LRMDA: variants seen among roughly 807,000 people sequenced by gnomAD.
The protein encoded by LRMDA is leucine rich melanocyte differentiation associated, also known as leucine-rich melanocyte differentiation-associated protein.
In LRMDA, 18 loss-of-function variants were observed where a neutral mutation model predicts 29.8. The observed-to-expected ratio is 0.60, with a 90% CI of 0.42 to 0.90. The LOEUF (loss-of-function observed/expected upper bound fraction) is 0.90, where lower values mean the gene tolerates loss of function less well. Among genes scored for constraint, LRMDA ranks in the 40% least tolerant of loss-of-function variants. LRMDA has a pLI of 0.00. For missense variants in LRMDA, 273 were observed against 273.9 expected (o/e 1.00, Z 0.02); for synonymous variants, 125 against 109.4 (o/e 1.14, Z -0.89).
chr10:76,309,608 A>C (rs1840604899), intron 5 of LRMDA, among the ~76,000 whole-genome samples: 1 of 152,194 alleles, frequency 6.6e-6, no homozygotes, highest in Non-Finnish European at 1.5e-5. Flanking sequence ...TCTTATTACT[A>C]GGAATTTCCA....
At position 76,325,344 on chromosome 10, in the gene LRMDA, G is replaced by A. The variant is rs532633871; in HGVS notation, c.601+859G>A. Reference sequence around the variant, plus strand: ...AAGAAGAGAGTAGTGCAGGATTTCCGATGTCTGTGGCTTGGACCTGTGTTG... The same window carrying A: ...AAGAAGAGAGTAGTGCAGGATTTCCAATGTCTGTGGCTTGGACCTGTGTTG... On this transcript the variant is annotated intron_variant, in intron 6 of 6. Transcript: ENST00000611255. Among the ~76,000 whole-genome samples the A allele has an allele frequency of 3.4e-4, 52 of 152,320 alleles. 1 individual carries two copies. The highest frequency in any genetic ancestry group is 3.1e-3 in the South Asian group (15 of 4,826).
rs183787221 is a variant in LRMDA at position 75,514,432 on chromosome 10, G to C, written c.131+75938G>C. Among the ~76,000 whole-genome samples the C allele has an allele frequency of 8.8e-4, 134 of 152,000 alleles. 1 individual carries two copies. The highest frequency in any genetic ancestry group is 3.1e-3 in the African/African-American group (127 of 41,462). On this transcript the variant is annotated intron_variant, in intron 2 of 6. Transcript: ENST00000611255. ...CTTATTTGAAGAGGCTGGAGCAGTG[G>C]TCCTTCCAGTGTCTGTTCAGGATGT...
chr10:76,080,047 A>G (rs1849024507), intron 5 of LRMDA, among the ~76,000 whole-genome samples: 1 of 152,030 alleles, frequency 6.6e-6, no homozygotes, highest in African/African-American at 2.4e-5. Context: ...GTATGTCTCA[A>G]GTTCTTCTTC....
chr10:75,757,757 A>G (rs952986794), intron 2 of LRMDA, among the ~76,000 whole-genome samples: 12 of 151,330 alleles, frequency 7.9e-5, no homozygotes, highest in African/African-American at 2.7e-4. Flanking sequence ...TTTACTCTGC[A>G]TTGTAAAGTT....
In LRMDA at chr10:75,938,781, A is replaced by G. The variant is rs1461497609; in HGVS notation, c.132-97227A>G. ...AGACTTGGATGAAGGGCAATAAAGC[A>G]GCATAGAGGCTCATGTTAATATTGT... On this transcript the variant is annotated intron_variant, in intron 2 of 6. Coordinates refer to ENST00000611255, the MANE Select transcript of LRMDA (RefSeq NM_001305581.2). 2.0e-5 allele frequency among the ~76,000 whole-genome samples: 3 copies of G among 152,210 alleles called. No individual in the cohort carries two copies. The East Asian group carries it at 5.8e-4, about 29-fold the overall frequency.
At chr10:76,061,531 A>C (rs1194198866) in intron 5 of LRMDA, among the ~76,000 whole-genome samples, 2 of 152,252 alleles carry the variant, frequency 1.3e-5, no homozygotes, top group Non-Finnish European at 2.9e-5. Flanking sequence ...AAAAGTTTAA[A>C]AAAATACCTG....
chr10:75,893,370 G>A (rs949490868), intron 2 of LRMDA, among the ~76,000 whole-genome samples: 1 of 152,194 alleles, frequency 6.6e-6, no homozygotes, highest in African/African-American at 2.4e-5. Context: ...TAAGAGAGCA[G>A]GGAATGACAT....
intron 2 of LRMDA, among the ~76,000 whole-genome samples, chr10:75,497,177 T>A (rs890281435): frequency 2.6e-5 from 4 of 152,192 alleles, no homozygotes; most frequent in Admixed American, 2.6e-4. Context: ...CACAGCTCCA[T>A]GGTTTCCAAG....
chr10:75,687,644 T>C (rs1842098755), intron 2 of LRMDA, among the ~76,000 whole-genome samples: 1 of 152,242 alleles, frequency 6.6e-6, no homozygotes, highest in African/African-American at 2.4e-5. Flanking sequence ...GCTAAGATCA[T>C]TGATGAAGGT....
rs113455001 is a variant in LRMDA at position 75,447,232 on chromosome 10, T to C, written c.131+8738T>C. Among the ~76,000 whole-genome samples the C allele has an allele frequency of 5.5e-3, 843 of 152,338 alleles. 10 individuals carry two copies. The highest frequency in any genetic ancestry group is 0.019 in the African/African-American group (785 of 41,584). On this transcript the variant is annotated intron_variant, in intron 2 of 6. Coordinates refer to ENST00000611255, the MANE Select transcript of LRMDA (RefSeq NM_001305581.2). ...AATATTTTTGTTCCAAGAATATCAC[T>C]GGCCATCCTGGTGTCTCCAGCTACC... is the stretch of plus-strand genomic sequence containing the variant.
chr10:76,300,652 G>A (rs909673612), intron 5 of LRMDA, among the ~76,000 whole-genome samples: 2 of 152,096 alleles, frequency 1.3e-5, no homozygotes, highest in Admixed American at 1.3e-4. Flanking sequence ...TCTCTTCTAT[G>A]GGCATTTGCC....
At chr10:76,438,307 TTA>T (rs1444691147) in intron 6 of LRMDA, among the ~76,000 whole-genome samples, 2 of 152,270 alleles carry the variant, frequency 1.3e-5, no homozygotes, top group East Asian at 3.9e-4. Context: ...AAAGAATCCG[TTA>T]TTTGTTTTCT....
intron 2 of LRMDA, among the ~76,000 whole-genome samples, chr10:75,773,609 T>C (rs1233549257): frequency 6.6e-6 from 1 of 152,248 alleles, no homozygotes; most frequent in African/African-American, 2.4e-5. Flanking sequence ...ACCTGAGGTC[T>C]AGGCCTGCGG....
chr10:75,619,072 C>T (rs1283371279), intron 2 of LRMDA, among the ~76,000 whole-genome samples: 1 of 152,144 alleles, frequency 6.6e-6, no homozygotes, highest in Non-Finnish European at 1.5e-5. Flanking sequence ...GCTGGGATTA[C>T]AGGTGTAAGC....
intron 5 of LRMDA, among the ~76,000 whole-genome samples, chr10:76,110,583 C>G (rs1423073368): frequency 6.6e-6 from 1 of 152,080 alleles, no homozygotes; most frequent in Admixed American, 6.5e-5. Context: ...GGGAGGGACC[C>G]ACGGGGAGGT....
intron 6 of LRMDA, among the ~76,000 whole-genome samples, chr10:76,358,962 G>C (rs1319348801): frequency 6.6e-6 from 1 of 152,144 alleles, no homozygotes; most frequent in Non-Finnish European, 1.5e-5. Flanking sequence ...TCTGCCTCCT[G>C]TCATCAGTCT....
chr10:76,165,862 G>A (rs1449233137), intron 5 of LRMDA, among the ~76,000 whole-genome samples: 1 of 152,154 alleles, frequency 6.6e-6, no homozygotes, highest in Non-Finnish European at 1.5e-5. Context: ...TGAGATTTGG[G>A]TGGGAACACA....
At chr10:75,709,420 A>C (rs1221013547) in intron 2 of LRMDA, among the ~76,000 whole-genome samples, 1 of 148,688 alleles carries the variant, frequency 6.7e-6, no homozygotes, top group Non-Finnish European at 1.5e-5. Context: ...GTCTGTGTGT[A>C]CGTGTGTGTG....
chr10:75,583,693 C>T (rs1840622589), intron 2 of LRMDA, among the ~76,000 whole-genome samples: 1 of 152,090 alleles, frequency 6.6e-6, no homozygotes, highest in African/African-American at 2.4e-5. Flanking sequence ...CAGCTTTCTC[C>T]TCCTCTTGTA....
Sources: gnomAD v4.1 joint callset for allele counts (sites outside exome capture counted in the v4.1 genomes callset) on GRCh38, gnomAD v4.1.1 for gene constraint, MANE v1.5 for transcripts, NCBI Gene and HGNC (gene_info 2026-07-23, HGNC 2026-07-21) for gene names.